CNTNAP5: variants seen among roughly 807,000 people sequenced by gnomAD.
CNTNAP5 encodes contactin associated protein family member 5, also known as contactin-associated protein-like 5.
In CNTNAP5, 72 loss-of-function variants were observed where a neutral mutation model predicts 150.2. The observed-to-expected ratio is 0.48, with a 90% CI of 0.40 to 0.58. The LOEUF is 0.58. Among genes scored for constraint, CNTNAP5 ranks in the 20% least tolerant of loss-of-function variants. CNTNAP5 has a pLI of 0.00. For synonymous variants in CNTNAP5, 672 were observed against 619.8 expected (o/e 1.08, Z -1.25); for missense variants, 1,636 against 1,626.2 (o/e 1.01, Z -0.10).
chr2:124,219,932 T>C (rs767520852), intron 1 of CNTNAP5, among the ~76,000 whole-genome samples: 3 of 152,084 alleles, frequency 2.0e-5, no homozygotes, highest in Non-Finnish European at 2.9e-5. Context: ...TCAGTGAGGA[T>C]CTGGCTCGGT....
chr2:124,332,686 G>A (rs986981940), intron 3 of CNTNAP5, among the ~76,000 whole-genome samples: 6 of 151,860 alleles, frequency 4.0e-5, no homozygotes, highest in Middle Eastern at 4.1e-3. Context: ...TTAAGTAAAC[G>A]TAATATAAAG....
rs186058715 is a variant in CNTNAP5, at chr2:124,130,469, A to G, written c.83-91236A>G. ...AGGTGGAATGAGTGCCCTTTAGCCT[A>G]TTCATGGGCTGACCATACAACTTTT... On this transcript the variant is annotated intron_variant, in intron 1 of 23. Coordinates refer to ENST00000682447, the MANE Select transcript of CNTNAP5 (RefSeq NM_001367498.1). Among the ~76,000 whole-genome samples the G allele has an allele frequency of 7.9e-5, 12 of 152,194 alleles. 1 individual carries two copies. The highest frequency in any genetic ancestry group is 7.9e-4 in the Admixed American group (12 of 15,270).
intron 7 of CNTNAP5, among the ~76,000 whole-genome samples, chr2:124,492,434 CTG>C (rs1359310850): frequency 6.6e-6 from 1 of 152,138 alleles, no homozygotes. Context: ...CTGTTGATCT[CTG>C]TGTCTGTTTG....
chr2:124,698,518 T>G (rs1374267296), intron 13 of CNTNAP5, among the ~76,000 whole-genome samples: 2 of 152,136 alleles, frequency 1.3e-5, no homozygotes, highest in Non-Finnish European at 2.9e-5. Context: ...CATTTTTGTA[T>G]TTTGTTCCTA....
chr2:124,705,713 C>A (rs1679622950), intron 13 of CNTNAP5, among the ~76,000 whole-genome samples: 1 of 148,132 alleles, frequency 6.8e-6, no homozygotes. Context: ...GTATGAATAG[C>A]ATAAAAATGA....
intron 13 of CNTNAP5, among the ~76,000 whole-genome samples, chr2:124,727,173 T>A (rs1259131553): frequency 6.6e-6 from 1 of 152,170 alleles, no homozygotes; most frequent in South Asian, 2.1e-4. Context: ...TGAGGTTATT[T>A]ATTCTGTCCT....
chr2:124,114,700 G>A (rs1683383475), intron 1 of CNTNAP5, among the ~76,000 whole-genome samples: 1 of 151,578 alleles, frequency 6.6e-6, no homozygotes, highest in African/African-American at 2.4e-5. Flanking sequence ...CATAATCTTA[G>A]TAAAAATATT....
At chr2:124,527,540 T>A in intron 10 of CNTNAP5, 84 bp downstream of exon 10, 1 of 1,125,810 alleles carries the variant, frequency 8.9e-7, no homozygotes, top group Non-Finnish European at 1.2e-6. Context: ...AGCAAAATTC[T>A]AATCCACCGA....
intron 1 of CNTNAP5, among the ~76,000 whole-genome samples, chr2:124,101,478 C>CA (rs1376867430): frequency 6.6e-6 from 1 of 152,146 alleles, no homozygotes; most frequent in African/African-American, 2.4e-5. Flanking sequence ...GAATCCTAGG[C>CA]AAGAGTAGGG....
intron 13 of CNTNAP5, among the ~76,000 whole-genome samples, chr2:124,671,445 T>C (rs919624557): frequency 1.3e-5 from 2 of 152,144 alleles, no homozygotes; most frequent in Non-Finnish European, 2.9e-5. Flanking sequence ...TTGTGAGGAT[T>C]AAAGAAAATT....
At chr2:124,374,480 A>G (rs566607123) in intron 3 of CNTNAP5, among the ~76,000 whole-genome samples, 1 of 152,244 alleles carries the variant, frequency 6.6e-6, no homozygotes, top group African/African-American at 2.4e-5. Flanking sequence ...GAAGAAGTCA[A>G]TCATACTCTG....
intron 13 of CNTNAP5, among the ~76,000 whole-genome samples, chr2:124,659,744 A>G (rs567808466): frequency 6.6e-6 from 1 of 152,288 alleles, no homozygotes; most frequent in African/African-American, 2.4e-5. Context: ...TAGAGACTAT[A>G]TGTACATGTG....
chr2:124,577,585 AG>A (rs1438153772), intron 11 of CNTNAP5, among the ~76,000 whole-genome samples: 1 of 152,170 alleles, frequency 6.6e-6, no homozygotes, highest in Non-Finnish European at 1.5e-5. Context: ...CCTGTTCTCA[AG>A]GACTTTAAAA....
At chr2:124,482,323 A>G (rs1286703952) in intron 7 of CNTNAP5, among the ~76,000 whole-genome samples, 2 of 152,158 alleles carry the variant, frequency 1.3e-5, no homozygotes, top group African/African-American at 4.8e-5. Flanking sequence ...GGAGGCAGAC[A>G]TTATTATCCA....
chr2:124,824,890 C>A (rs571500378), intron 19 of CNTNAP5, among the ~76,000 whole-genome samples: 1 of 152,278 alleles, frequency 6.6e-6, no homozygotes, highest in African/African-American at 2.4e-5. Context: ...TCTTGTACTC[C>A]TGGATTTAGC....
chr2:124,259,043 T>G (rs1573872530), intron 3 of CNTNAP5, among the ~76,000 whole-genome samples: 1 of 132,948 alleles, frequency 7.5e-6, no homozygotes, highest in African/African-American at 2.9e-5. Context: ...GTGTGTGATG[T>G]TCCCCACCCT....
intron 1 of CNTNAP5, among the ~76,000 whole-genome samples, chr2:124,084,068 T>G (rs1431236129): frequency 6.6e-6 from 1 of 152,162 alleles, no homozygotes; most frequent in African/African-American, 2.4e-5. Flanking sequence ...ATCAGTGTTT[T>G]GTAGTTTTTA....
intron 13 of CNTNAP5, among the ~76,000 whole-genome samples, chr2:124,668,967 C>G (rs997442074): frequency 6.6e-6 from 1 of 152,198 alleles, no homozygotes; most frequent in Non-Finnish European, 1.5e-5. Flanking sequence ...CTTCCCACTT[C>G]CAGAGGTGCC....
intron 21 of CNTNAP5, among the ~76,000 whole-genome samples, chr2:124,871,972 CT>C (rs1181403482): frequency 6.6e-6 from 1 of 151,992 alleles, no homozygotes; most frequent in Non-Finnish European, 1.5e-5. Context: ...ATTATATGAA[CT>C]TAGACTTGCT....
Sources: allele counts gnomAD v4.1 joint callset (sites outside exome capture counted in the v4.1 genomes callset), GRCh38; gene constraint gnomAD v4.1.1; transcripts MANE v1.5; gene names NCBI Gene and HGNC (gene_info 2026-07-23, HGNC 2026-07-21).